The following HEXB variants were observed in gnomAD, a reference collection of about 807,000 sequenced individuals.
HEXB encodes hexosaminidase subunit beta, also known as beta-hexosaminidase subunit beta.
A neutral mutation model predicts 71.2 loss-of-function variants in HEXB; 51 were observed. That is an observed-to-expected ratio of 0.72 (90% confidence interval 0.57 to 0.90). HEXB has a LOEUF of 0.90. Ranked by LOEUF, HEXB falls within the 40% of genes least tolerant of loss-of-function variation. The probability of loss-of-function intolerance (pLI) is 0.00; values close to 1 mark genes in which losing one functional copy is unlikely to be tolerated. For synonymous variants in HEXB, 266 were observed against 249.3 expected, an observed-to-expected ratio of 1.07 and a Z score of -0.63; for missense variants, 617 against 677.0, an observed-to-expected ratio of 0.91 and a Z score of 0.98.
At chr5:74,695,698 G>A (rs945575627) in intron 3 of HEXB, among the ~76,000 whole-genome samples, 4 of 150,886 alleles carry the variant, frequency 2.7e-5, no homozygotes, top group African/African-American at 7.3e-5. Context: ...AAAATTAGCC[G>A]GGCATGGTGG....
chr5:74,659,948 G>A (rs904717), intron 1 of HEXB, among the ~76,000 whole-genome samples: 67,011 of 151,994 alleles, frequency 0.44, 16,334 homozygotes, highest in East Asian at 0.63. Context: ...GAAGGGGAGG[G>A]TGAGGGGAAA....
At position 74,711,029 on chromosome 5, in the gene HEXB, A is replaced by C. The variant is rs1239509939; in HGVS notation, c.772-2477A>C. Among the ~76,000 whole-genome samples, 5 of 149,222 alleles carry C rather than the reference A, an allele frequency of 3.4e-5. No homozygotes were observed. The East Asian group carries it at 9.8e-4, about 29-fold the overall frequency. On this transcript the variant is annotated intron_variant, in intron 6 of 13. Transcript: ENST00000261416. ...TGGAGGCATCACGCTACCTGACTTCAAACTATACTACAAGGCTACAGTAAC... is the reference window on the plus strand; with the variant it reads ...TGGAGGCATCACGCTACCTGACTTCCAACTATACTACAAGGCTACAGTAAC...
chr5:74,671,136 A>G (rs1748530230), intron 1 of HEXB, among the ~76,000 whole-genome samples: 1 of 151,886 alleles, frequency 6.6e-6, no homozygotes, highest in Non-Finnish European at 1.5e-5. Context: ...TAAAAAAACA[A>G]CTACAGTAAG....
intron 5 of HEXB, among the ~76,000 whole-genome samples, chr5:74,699,432 A>G (rs1052052941): frequency 2.0e-5 from 3 of 151,832 alleles, no homozygotes; most frequent in East Asian, 3.9e-4. Context: ...CCACCACCAC[A>G]CCTGGCTAAT....
At chr5:74,713,445 A>G (rs985047643) in intron 6 of HEXB, 61 bp from the exon 7 acceptor site, 1 of 1,546,076 alleles carries the variant, frequency 6.5e-7, no homozygotes, top group Non-Finnish European at 8.9e-7. Flanking sequence ...ACAATTGTTA[A>G]CAATTTCCAG....
intron 5 of HEXB, among the ~76,000 whole-genome samples, chr5:74,702,547 G>C (rs1006639732): frequency 7.9e-5 from 12 of 152,152 alleles, no homozygotes; most frequent in African/African-American, 2.9e-4. Flanking sequence ...GTGACACAAT[G>C]TCTTATTTAT....
At position 74,721,012 on chromosome 5, in the gene HEXB, ATTCTAAT is replaced by A. The variant is rs1215470555; in HGVS notation, c.1614-103_1614-97del. 5 of 1,003,834 alleles carry A rather than the reference ATTCTAAT, an allele frequency of 5.0e-6. No homozygotes were observed. The East Asian group carries it at 1.3e-4, about 26-fold the overall frequency. The allele number at this position is 1,003,834 out of a possible 1,614,324, so 62.2% of individuals were successfully genotyped here. A position where few individuals can be genotyped will look rare whatever the true frequency, so the allele number is the denominator to read the frequency against. On this transcript the variant is annotated intron_variant, in intron 13 of 13. Coordinates refer to ENST00000261416, the MANE Select transcript of HEXB (RefSeq NM_000521.4). ...TTTTCAGTAATGCTGTGATTTAGTG[ATTCTAAT>A]TTAAGTTTCTAAGATGACATGAATA...
chr5:74,710,653 C>G (rs1749517272), intron 6 of HEXB, among the ~76,000 whole-genome samples: 2 of 151,900 alleles, frequency 1.3e-5, no homozygotes. Flanking sequence ...AACAGACAAA[C>G]AGCCAAATCA....
At chr5:74,660,915 A>T (rs1032713547) in intron 1 of HEXB, among the ~76,000 whole-genome samples, 2 of 152,322 alleles carry the variant, frequency 1.3e-5, no homozygotes, top group African/African-American at 4.8e-5. Flanking sequence ...GAAGAAAAAG[A>T]TCAACTCGAG....
At chr5:74,640,069 A>G (rs906873054) in exon 1 of HEXB, 2 of 152,088 alleles carry the variant, frequency 1.3e-5, no homozygotes, top group African/African-American at 2.4e-5. Context: ...CGCCCCAGAC[A>G]TTGCACCGCG....
chr5:74,677,726 G>T (rs1748662226), intron 1 of HEXB, among the ~76,000 whole-genome samples: 1 of 151,678 alleles, frequency 6.6e-6, no homozygotes, highest in African/African-American at 2.4e-5. Flanking sequence ...TATTCCAGTA[G>T]CTTTTGGGGT....
At chr5:74,690,277 C>T (rs188318917) in intron 2 of HEXB, among the ~76,000 whole-genome samples, 34 of 152,050 alleles carry the variant, frequency 2.2e-4, no homozygotes, top group Middle Eastern at 3.4e-3. Flanking sequence ...TGGAATTGCA[C>T]CAAGGAATCA....
intron 1 of HEXB, among the ~76,000 whole-genome samples, chr5:74,678,076 C>T (rs1748668597): frequency 2.6e-5 from 4 of 152,234 alleles, no homozygotes; most frequent in African/African-American, 9.6e-5. Flanking sequence ...GAGGGTGGAT[C>T]ACCTGAGGTC....
In HEXB at chr5:74,705,330, T is replaced by C. The variant is rs774142402; in HGVS notation, c.771+10T>C. The C allele has an allele frequency of 7.2e-7, 1 of 1,389,492 alleles. No individual in the cohort carries two copies. The highest frequency in any genetic ancestry group is 1.0e-6 in the Non-Finnish European group (1 of 975,096). The allele number at this position is 1,389,492 out of a possible 1,614,324, so 86.1% of individuals were successfully genotyped here. ...TGAGTTAAGCAATAAAGTGAGTAAA[T>C]TGTATTGTACTCTGTCTACAAAAAC... On this transcript the variant is annotated intron_variant, in intron 6 of 13. Coordinates refer to ENST00000261416, the MANE Select transcript of HEXB (RefSeq NM_000521.4).
intron 1 of HEXB, among the ~76,000 whole-genome samples, chr5:74,656,480 AAAAAT>A (rs369978790): frequency 0.03 from 4,307 of 145,488 alleles, 92 homozygotes; most frequent in Middle Eastern, 0.062. Context: ...CTCTGTCTCA[AAAAAT>A]AAAATAAAAT....
At chr5:74,665,370 A>G (rs545941217) in intron 1 of HEXB, among the ~76,000 whole-genome samples, 3 of 152,162 alleles carry the variant, frequency 2.0e-5, no homozygotes, top group East Asian at 1.9e-4. Context: ...CTAAAAATAC[A>G]TATGGATATC....
At chr5:74,669,232 G>A (rs1374367269) in intron 1 of HEXB, among the ~76,000 whole-genome samples, 1 of 152,028 alleles carries the variant, frequency 6.6e-6, no homozygotes, top group Non-Finnish European at 1.5e-5. Flanking sequence ...GTTTGCCATG[G>A]TATTTTTTAA....
At chr5:74,672,080 A>C (rs1748550453) in intron 1 of HEXB, among the ~76,000 whole-genome samples, 1 of 152,164 alleles carries the variant, frequency 6.6e-6, no homozygotes. Flanking sequence ...GGCTTCTGCT[A>C]TCCCGATATA....
rs1473630405 is a variant in HEXB at position 74,711,049 on chromosome 5, A to C, written c.772-2457A>C. On this transcript the variant is annotated intron_variant, in intron 6 of 13. Coordinates refer to ENST00000261416, the MANE Select transcript of HEXB (RefSeq NM_000521.4). ...ACTTCAAACTATACTACAAGGCTAC[A>C]GTAACCAAAACAGCATGGTACTGGT... is the stretch of plus-strand genomic sequence containing the variant. Among the ~76,000 whole-genome samples the C allele has an allele frequency of 2.3e-4, 35 of 150,586 alleles. No homozygotes were observed. The East Asian group carries it at 5.9e-3, about 25-fold the overall frequency.
Sources: allele counts gnomAD v4.1 joint callset (sites outside exome capture counted in the v4.1 genomes callset), GRCh38; gene constraint gnomAD v4.1.1; transcripts MANE v1.5; gene names NCBI Gene and HGNC (gene_info 2026-07-23, HGNC 2026-07-21).